Variants in CUX2 observed in about 807,000 individuals in gnomAD.
CUX2 encodes the protein homeobox protein cut-like 2.
Under a neutral mutation model 144.8 loss-of-function variants are expected in CUX2, and 40 were observed. That is an observed-to-expected ratio of 0.28 (90% CI 0.21 to 0.36). The LOEUF is 0.36. Among genes scored for constraint, CUX2 ranks in the 10% least tolerant of loss-of-function variants. The probability of loss-of-function intolerance (pLI) is 1.00; values close to 1 mark genes in which losing one functional copy is unlikely to be tolerated. For synonymous variants in CUX2, 827 were observed against 875.6 expected, an observed-to-expected ratio of 0.94 and a Z score of 0.98; for missense variants, 1,615 against 1,994.0, an observed-to-expected ratio of 0.81 and a Z score of 3.62.
chr12:111,144,248 G>A (rs1385836062), intron 1 of CUX2, among the ~76,000 whole-genome samples: 1 of 152,160 alleles, frequency 6.6e-6, no homozygotes, highest in East Asian at 1.9e-4. Context: ...TGACTCACTG[G>A]TTTCCCATTG....
chr12:111,125,518 T>A (rs117566390), intron 1 of CUX2, among the ~76,000 whole-genome samples: 1,849 of 152,338 alleles, frequency 0.012, 26 homozygotes, highest in South Asian at 0.04. Flanking sequence ...CAGTGTAGCC[T>A]TTTATGTCTG....
chr12:111,148,775 T>C (rs1019574988), intron 1 of CUX2, among the ~76,000 whole-genome samples: 7 of 152,208 alleles, frequency 4.6e-5, no homozygotes, highest in African/African-American at 1.7e-4. Context: ...GGCCAGATGA[T>C]TGCTTGAGCC....
intron 6 of CUX2, among the ~76,000 whole-genome samples, chr12:111,294,418 AT>A (rs896503542): frequency 3.0e-4 from 45 of 150,826 alleles, no homozygotes; most frequent in African/African-American, 9.0e-4. Flanking sequence ...ATATATGCAC[AT>A]TTTTTTTTAA....
chr12:111,320,517 C>T lies in CUX2; in HGVS notation c.2508C>T (p.Asp836=). 1.3e-6 allele frequency: 2 copies of T among 1,571,152 alleles called. No homozygotes were observed. The highest frequency in any genetic ancestry group is 1.7e-6 in the Non-Finnish European group (2 of 1,164,978). ...RGDEAPVPPE[D]EAAAGAEDEP... Reference sequence around the variant, plus strand: ...ACGAGGCCCCTGTGCCCCCCGAGGACGAGGCGGCGGCAGGGGCGGAGGACG... The same window carrying T: ...ACGAGGCCCCTGTGCCCCCCGAGGATGAGGCGGCGGCAGGGGCGGAGGACG... The change falls in exon 17 of 22, where the codon GAC becomes GAT. Residue 836 remains aspartate, a synonymous_variant. Transcript: ENST00000261726. The surrounding 1 kb of genome is among the most constrained non-coding windows in gnomAD (Gnocchi z 8.1).
chr12:111,129,851 A>G (rs1288305172), intron 1 of CUX2, among the ~76,000 whole-genome samples: 3 of 152,182 alleles, frequency 2.0e-5, no homozygotes, highest in African/African-American at 7.2e-5. Context: ...GTCTATTTCA[A>G]TTATGCATTC....
At chr12:111,050,152 G>A (rs56024853) in intron 1 of CUX2, among the ~76,000 whole-genome samples, 3,364 of 149,106 alleles carry the variant, frequency 0.023, 63 homozygotes, top group Non-Finnish European at 0.035. Flanking sequence ...CCACCCTGCC[G>A]CTTCCCCCAC....
intron 1 of CUX2, among the ~76,000 whole-genome samples, chr12:111,093,031 G>T (rs547115882): frequency 5.7e-4 from 87 of 152,166 alleles, no homozygotes; most frequent in Non-Finnish European, 9.0e-4. Flanking sequence ...GCCCAGGCTG[G>T]TCTCGAATTC....
intron 1 of CUX2, among the ~76,000 whole-genome samples, chr12:111,065,991 G>A (rs191389220): frequency 7.7e-4 from 118 of 152,356 alleles, no homozygotes; most frequent in African/African-American, 2.7e-3. Context: ...ATTCTCAGGG[G>A]AAGCTACCTT....
intron 4 of CUX2, among the ~76,000 whole-genome samples, chr12:111,272,990 G>A (rs1201173033): frequency 6.6e-6 from 1 of 152,270 alleles, no homozygotes; most frequent in South Asian, 2.1e-4. Context: ...ACAGGCATTC[G>A]AGCCGTGGCG....
chr12:111,135,630 A>T (rs1875829409), intron 1 of CUX2, among the ~76,000 whole-genome samples: 1 of 152,352 alleles, frequency 6.6e-6, no homozygotes, highest in African/African-American at 2.4e-5. Flanking sequence ...CTGTCCATAC[A>T]ATGGAATATT....
At chr12:111,188,773 G>A (rs111580231) in intron 1 of CUX2, among the ~76,000 whole-genome samples, 3 of 152,090 alleles carry the variant, frequency 2.0e-5, no homozygotes, top group African/African-American at 4.8e-5. Context: ...TTTAGGCTGC[G>A]GAGCGGTAGG....
chr12:111,315,441 G>A (rs1414241250), intron 16 of CUX2, among the ~76,000 whole-genome samples: 1 of 152,188 alleles, frequency 6.6e-6, no homozygotes, highest in Non-Finnish European at 1.5e-5. Flanking sequence ...ATGGGGCCGG[G>A]CACAGTGGCT....
chr12:111,282,149 GTC>G (rs914845986), intron 4 of CUX2, among the ~76,000 whole-genome samples: 1 of 151,672 alleles, frequency 6.6e-6, no homozygotes, highest in Admixed American at 6.6e-5. Flanking sequence ...GTGAAACCCC[GTC>G]TCTACTAAAA....
intron 16 of CUX2, among the ~76,000 whole-genome samples, chr12:111,316,164 A>G (rs1887181529): frequency 7.0e-6 from 1 of 143,680 alleles, no homozygotes; most frequent in South Asian, 2.2e-4. Flanking sequence ...TTTTTGAGAC[A>G]GAGTTGTGCT....
intron 1 of CUX2, among the ~76,000 whole-genome samples, chr12:111,202,958 A>G (rs1250433858): frequency 1.3e-5 from 2 of 152,108 alleles, no homozygotes; most frequent in Non-Finnish European, 2.9e-5. Context: ...AGGGCTGGGC[A>G]CCATGGTTCA....
At chr12:111,064,046 A>G (rs1412858656) in intron 1 of CUX2, among the ~76,000 whole-genome samples, 1 of 152,220 alleles carries the variant, frequency 6.6e-6, no homozygotes, top group African/African-American at 2.4e-5. Flanking sequence ...TTCTTTGGAC[A>G]TGGACGTTGG....
intron 1 of CUX2, among the ~76,000 whole-genome samples, chr12:111,113,442 C>G (rs1052188723): frequency 5.9e-5 from 9 of 152,104 alleles, no homozygotes; most frequent in South Asian, 4.2e-4. Context: ...TCCCCCACCC[C>G]CTACACCTGA....
intron 1 of CUX2, among the ~76,000 whole-genome samples, chr12:111,096,339 C>T (rs572619565): frequency 4.6e-5 from 7 of 152,320 alleles, no homozygotes; most frequent in African/African-American, 1.7e-4. Context: ...ATCCCCTACC[C>T]CTCACATCCT....
At chr12:111,275,589 C>T (rs566677619) in intron 4 of CUX2, among the ~76,000 whole-genome samples, 1 of 152,318 alleles carries the variant, frequency 6.6e-6, no homozygotes, top group African/African-American at 2.4e-5. Context: ...CTTCTCCTGA[C>T]ACTAGGATAC....
Sources: gnomAD v4.1 joint callset for allele counts (sites outside exome capture counted in the v4.1 genomes callset) on GRCh38, gnomAD v4.1.1 for gene constraint, Gnocchi (gnomAD v3.1) non-coding constraint, MANE v1.5 for transcripts, NCBI Gene and HGNC (gene_info 2026-07-23, HGNC 2026-07-21) for gene names.